WDFY4: variants seen among roughly 807,000 people sequenced by gnomAD.
WDFY4 encodes the protein WD repeat- and FYVE domain-containing protein 4.
A neutral mutation model predicts 351.9 loss-of-function variants in WDFY4; 169 were observed. The ratio of observed to expected loss-of-function variants is 0.48; its 90% confidence interval spans 0.42 to 0.55. The LOEUF is 0.55. WDFY4 is among the 20% of genes least tolerant of loss of function. The pLI is 0.00. For synonymous variants in WDFY4, 1,622 were observed against 1,574.6 expected (o/e 1.03, Z -0.71); for missense variants, 3,803 against 3,935.6 (o/e 0.97, Z 0.90).
intron 47 of WDFY4, chr10:48,913,788 A>T: frequency 6.2e-7 from 1 of 1,613,658 alleles, no homozygotes; most frequent in Non-Finnish European, 8.5e-7. Context: ...CACAGCGCGG[A>T]TGTTCTTGAG....
intron 1 of WDFY4, among the ~76,000 whole-genome samples, chr10:48,686,267 G>T (rs1298105282): frequency 6.7e-6 from 1 of 149,428 alleles, no homozygotes; most frequent in Non-Finnish European, 1.5e-5. Flanking sequence ...GATCACCTGA[G>T]GTCAGGAGTT....
intron 13 of WDFY4, among the ~76,000 whole-genome samples, chr10:48,772,469 G>A (rs968411259): frequency 7.4e-5 from 11 of 149,556 alleles, no homozygotes; most frequent in African/African-American, 2.7e-4. Flanking sequence ...GGTGGGTAGG[G>A]CTCCATGGCC....
At chr10:48,963,237 GAAATCACCTA>G (rs1841939099) in intron 53 of WDFY4, among the ~76,000 whole-genome samples, 1 of 152,224 alleles carries the variant, frequency 6.6e-6, no homozygotes, top group Admixed American at 6.5e-5. Context: ...TGTGCTTAGT[GAAATCACCTA>G]ACTCCTGGAG....
intron 2 of WDFY4, among the ~76,000 whole-genome samples, chr10:48,716,625 G>A (rs945413459): frequency 2.0e-5 from 3 of 152,150 alleles, no homozygotes; most frequent in African/African-American, 4.8e-5. Flanking sequence ...AGTGCCCATC[G>A]AGGTCCCAGG....
chr10:48,745,738 A>G (rs990953984), intron 12 of WDFY4: 4 of 547,914 alleles, frequency 7.3e-6, no homozygotes, highest in Admixed American at 4.8e-5. Context: ...CACGTAGGCA[A>G]ACTCTCTTGT....
Position 48,963,994 on chromosome 10 carries a change from C to T in WDFY4, c.8376C>T (p.Asp2792=). 1 of 1,550,484 alleles carries T rather than the reference C, an allele frequency of 6.4e-7. No homozygotes were observed. The highest frequency in any genetic ancestry group is 8.7e-7 in the Non-Finnish European group (1 of 1,146,974). ...GAATGGACCTCAGCAGCATCACTGA[C>T]CCCCTCATCAAAAGCACCATCCTGG... The part of the protein sequence containing the change: ...GDRMDLSSIT[D]PLIKSTILGF... The change falls in exon 54 of 62, where the codon GAC becomes GAT. Residue 2792 remains aspartate (D), a synonymous_variant. Transcript: ENST00000325239.
chr10:48,872,216 C>T (rs2133278573), intron 40 of WDFY4, among the ~76,000 whole-genome samples: 1 of 152,336 alleles, frequency 6.6e-6, no homozygotes, highest in African/African-American at 2.4e-5. Context: ...ATTTGCAAGG[C>T]CTACATCTAT....
chr10:48,897,511 C>T lies in WDFY4; in HGVS notation c.7374C>T (p.Tyr2458=). 1 of 1,551,544 alleles carries T rather than the reference C, an allele frequency of 6.4e-7. No individual in the cohort carries two copies. Among genetic ancestry groups the T allele is most frequent in the South Asian group, 1.2e-5 (1 of 84,062 alleles). ...LCSKDRSTDH[Y]SCQCHSYADM... is the part of the protein sequence containing the mutation. ...GCAAAGACAGGTCCACTGACCATTA[C>T]TCGTGCCAGTGCCACAGCTACGCTG... is the stretch of plus-strand genomic sequence containing the variant. The change falls in exon 45 of 62, where the codon TAC becomes TAT. Residue 2458 remains tyrosine, a synonymous_variant. Coordinates refer to ENST00000325239, the MANE Select transcript of WDFY4 (RefSeq NM_001394531.1).
intron 47 of WDFY4, among the ~76,000 whole-genome samples, chr10:48,933,492 A>T (rs1481051334): frequency 2.0e-5 from 3 of 152,132 alleles, no homozygotes; most frequent in African/African-American, 7.2e-5. Flanking sequence ...TCTCTTGGCC[A>T]CCCAGGAAGC....
At chr10:48,974,536 A>ACC (rs1842480891) in intron 57 of WDFY4, among the ~76,000 whole-genome samples, 1 of 19,880 alleles carries the variant, frequency 5.0e-5, no homozygotes, top group Admixed American at 5.9e-4. Flanking sequence ...AAAACAACTC[A>ACC]TGACATGAAC....
At chr10:48,923,240 C>T (rs757448576) in intron 47 of WDFY4, among the ~76,000 whole-genome samples, 5 of 151,888 alleles carry the variant, frequency 3.3e-5, no homozygotes, top group African/African-American at 1.2e-4. Flanking sequence ...GTGTATGTCT[C>T]CCTGGTGTAT....
In WDFY4 at chr10:48,720,052, C is replaced by T; in HGVS notation, c.276C>T (p.Leu92=). ...HSVGIICFPS[L]QRLAEDVSDQ... Reference sequence around the variant, plus strand: ...TGGGGATCATCTGCTTTCCCAGTCTCCAAAGGCTGGCTGAAGACGTGTCTG... The same window carrying T: ...TGGGGATCATCTGCTTTCCCAGTCTTCAAAGGCTGGCTGAAGACGTGTCTG... Residue 92 remains leucine (L), a synonymous_variant, in exon 3 of 62, where the codon CTC becomes CTT. Coordinates refer to ENST00000325239, the MANE Select transcript of WDFY4 (RefSeq NM_001394531.1). The T allele has an allele frequency of 6.4e-7, 1 of 1,551,780 alleles. No individual in the cohort carries two copies. Among genetic ancestry groups the T allele is most frequent in the Non-Finnish European group, 8.7e-7 (1 of 1,146,998 alleles).
At position 48,969,149 on chromosome 10, in the gene WDFY4, A is replaced by G. The variant is rs1842222837; in HGVS notation, c.8670A>G (p.Val2890=). The change falls in exon 56 of 62, where the codon GTA becomes GTG. Residue 2890 remains valine (V), a synonymous_variant. Coordinates refer to ENST00000325239, the MANE Select transcript of WDFY4 (RefSeq NM_001394531.1). ...IVSTEKTILA[V]ERNKVLLPPL... is the part of the protein sequence containing the mutation. The stretch of plus-strand genomic sequence containing the variant: ...CTACTGAGAAGACCATTCTGGCTGT[A>G]GAGAGGAACAAAGTGCTGCTGCCTC... 6.4e-7 allele frequency: 1 copy of G among 1,551,780 alleles called. No homozygotes were observed. Among genetic ancestry groups the G allele is most frequent in the Middle Eastern group, 1.7e-4 (1 of 5,994 alleles).
rs73296645 is a variant in WDFY4, at chr10:48,924,641, A to G, written c.7587-17165A>G. Among the ~76,000 whole-genome samples, 373 of 152,350 alleles carry G rather than the reference A, an allele frequency of 2.4e-3. 2 individuals carry two copies. The highest frequency in any genetic ancestry group is 8.2e-3 in the African/African-American group (341 of 41,590). On this transcript the variant is annotated intron_variant, in intron 47 of 61. Transcript: ENST00000325239. Reference sequence around the variant, plus strand: ...GTACAATTTTTTTTTATACTTTGGAAAAAGTGGCCCAGTTGGTTTGACTTT... The same window carrying G: ...GTACAATTTTTTTTTATACTTTGGAGAAAGTGGCCCAGTTGGTTTGACTTT...
chr10:48,730,140 C>T (rs73308017), intron 8 of WDFY4, among the ~76,000 whole-genome samples: 12,520 of 152,266 alleles, frequency 0.082, 659 homozygotes, highest in East Asian at 0.25. Flanking sequence ...CAGGAAACCT[C>T]GAACAGAGGG....
At chr10:48,764,008 A>G (rs1368996115) in intron 13 of WDFY4, among the ~76,000 whole-genome samples, 2 of 152,218 alleles carry the variant, frequency 1.3e-5, no homozygotes, top group East Asian at 3.8e-4. Flanking sequence ...GTTTCAGTAG[A>G]TGTCAGTGTT....
intron 44 of WDFY4, among the ~76,000 whole-genome samples, chr10:48,895,289 G>A (rs1422499007): frequency 6.6e-6 from 1 of 152,230 alleles, no homozygotes; most frequent in African/African-American, 2.4e-5. Context: ...AAGAAGTGGG[G>A]CATGGAGGCT....
rs758535167 is a variant in WDFY4, at chr10:48,727,658, C to G, written c.970C>G (p.Arg324Gly). ...TCCTCTGCTGCTCAAAGTGTTACTT[C>G]GGTAAGTGGCTGTGTTTGGTACGGG... ...GYPLLLKVLLRYDGLTQSEVD... is the reference protein window; with the variant it reads ...GYPLLLKVLLGYDGLTQSEVD... The change falls in exon 7 of 62, where the codon CGG (arginine) becomes GGG (glycine). Residue 324 changes from arginine to glycine, a missense_variant and splice_region_variant. Arg to Gly is a moderately radical substitution (Grantham distance 125). This residue lies in a region of WDFY4 where 488 missense variants were observed against 456.8 expected (regional missense o/e 1.07). Transcript: ENST00000325239. The G allele has an allele frequency of 6.4e-7, 1 of 1,551,758 alleles. No homozygotes were observed. Among genetic ancestry groups the G allele is most frequent in the African/African-American group, 1.4e-5 (1 of 73,056 alleles).
At chr10:48,966,948 A>G in intron 55 of WDFY4, 2 of 445,464 alleles carry the variant, frequency 4.5e-6, no homozygotes, top group Non-Finnish European at 8.0e-6. Flanking sequence ...CACCTCTTTC[A>G]GGCACACACA....
Sources: gnomAD v4.1 joint callset for allele counts (sites outside exome capture counted in the v4.1 genomes callset) on GRCh38, gnomAD v4.1.1 for gene constraint, gnomAD v4.1.1 regional missense constraint, MANE v1.5 for transcripts, NCBI Gene and HGNC (gene_info 2026-07-23, HGNC 2026-07-21) for gene names.